Variants in CDX1 observed in about 807,000 individuals in gnomAD.
CDX1 encodes homeobox protein CDX-1.
Under a neutral mutation model 16.9 loss-of-function variants are expected in CDX1, and 9 were observed. The observed-to-expected ratio is 0.53, with a 90% confidence interval of 0.32 to 0.93. The LOEUF (loss-of-function observed/expected upper bound fraction) is 0.93. Ranked by LOEUF, CDX1 falls within the 40% of genes least tolerant of loss-of-function variation. The pLI is 0.04. For missense variants in CDX1, 393 were observed against 386.1 expected (o/e 1.02, Z -0.15); for synonymous variants, 179 against 179.0 (o/e 1.00, Z 0.00).
chr5:150,176,186 C>A (rs1296421065), intron 1 of CDX1, among the ~76,000 whole-genome samples: 1 of 152,232 alleles, frequency 6.6e-6, no homozygotes, highest in Non-Finnish European at 1.5e-5. Context: ...GGCCCACAGC[C>A]TGCCACCCTT....
At chr5:150,183,376 G>T in intron 2 of CDX1, 98 bp from the exon 3 acceptor site, 1 of 1,108,500 alleles carries the variant, frequency 9.0e-7, no homozygotes, top group East Asian at 2.7e-5. Context: ...AAAGCCACAT[G>T]GAGAAATAGG....
chr5:150,174,481 G>A (rs932898086), intron 1 of CDX1, among the ~76,000 whole-genome samples: 2 of 152,202 alleles, frequency 1.3e-5, no homozygotes, highest in Admixed American at 1.3e-4. Flanking sequence ...TGCAGTGTGG[G>A]CGTCCGGACC....
chr5:150,168,835 G>A (rs921713818), intron 1 of CDX1, among the ~76,000 whole-genome samples: 1 of 152,204 alleles, frequency 6.6e-6, no homozygotes, highest in African/African-American at 2.4e-5. Flanking sequence ...GCAGTGGTTT[G>A]TACCCTTGTT....
chr5:150,183,114 G>C (rs1335559321), intron 2 of CDX1, among the ~76,000 whole-genome samples: 1 of 152,220 alleles, frequency 6.6e-6, no homozygotes, highest in African/African-American at 2.4e-5. Flanking sequence ...AAAGGCAGGG[G>C]TAAGGGGATC....
rs531640824 is a variant in CDX1 at position 150,167,221 on chromosome 5, C to A, written c.345C>A (p.Pro115=). ...CCGGCCCGGGCCTCCTGGCGCAGCC[C>A]CTCGGGGGCCCGGGCACACCGTCCT... ...PGPGPGLLAQ[P]LGGPGTPSSP... The change falls in exon 1 of 3, where the codon CCC becomes CCA. Residue 115 remains proline, a synonymous_variant. Transcript: ENST00000231656. The A allele has an allele frequency of 5.5e-6, 7 of 1,261,476 alleles. No individual in the cohort carries two copies. In the South Asian group the frequency reaches 2.0e-4, roughly 35 times the overall value. The allele number at this position is 1,261,476 out of a possible 1,614,324, so 78.1% of individuals were successfully genotyped here. A position where few individuals can be genotyped will look rare whatever the true frequency, so the allele number is the denominator to read the frequency against.
intron 1 of CDX1, among the ~76,000 whole-genome samples, chr5:150,171,484 C>T (rs753793595): frequency 1.7e-4 from 26 of 152,204 alleles, no homozygotes; most frequent in Non-Finnish European, 3.1e-4. Context: ...TACAAGCGCA[C>T]GCTGTCATGC....
intron 1 of CDX1, among the ~76,000 whole-genome samples, chr5:150,175,036 C>G: frequency 6.6e-6 from 1 of 152,072 alleles, no homozygotes; most frequent in East Asian, 1.9e-4. Context: ...CTCAGCCTCC[C>G]AAAGTGCTGG....
At chr5:150,181,549 G>A (rs1392172379) in intron 1 of CDX1, among the ~76,000 whole-genome samples, 1 of 152,062 alleles carries the variant, frequency 6.6e-6, no homozygotes, top group Non-Finnish European at 1.5e-5. Flanking sequence ...AAAGTGCTGG[G>A]ATTACAGGTG....
At chr5:150,182,414 G>T (rs2113954995) in intron 1 of CDX1, among the ~76,000 whole-genome samples, 1 of 152,352 alleles carries the variant, frequency 6.6e-6, no homozygotes, top group South Asian at 2.1e-4. Flanking sequence ...TCTGGAAGCT[G>T]CTGGTTTAAA....
Position 150,167,217 on chromosome 5 carries a change from AG to A in CDX1, c.342del (p.Gln114HisfsTer85). On this transcript the variant is annotated frameshift_variant, in exon 1 of 3. Transcript: ENST00000231656. LOFTEE classifies it high-confidence loss of function. ...PPGPGPGLLAQPLGGPGTPSS... is the reference protein window; with the variant it reads ...PPGPGPGLLAXPLGGPGTPSS... ...GGGCCCGGCCCGGGCCTCCTGGCGC[AG>A]CCCCTCGGGGGCCCGGGCACACCGT... is the stretch of plus-strand genomic sequence containing the variant. 7.9e-7 allele frequency: 1 copy of A among 1,262,756 alleles called. No individual in the cohort carries two copies. Among genetic ancestry groups the A allele is most frequent in the Non-Finnish European group, 9.9e-7 (1 of 1,008,926 alleles). 78.2% of individuals were successfully genotyped at this position (1,262,756 alleles called of 1,614,324 possible).
intron 1 of CDX1, among the ~76,000 whole-genome samples, chr5:150,180,759 T>C (rs1391070391): frequency 1.3e-5 from 2 of 152,112 alleles, no homozygotes; most frequent in African/African-American, 4.8e-5. Context: ...AGGAAACTGG[T>C]GCTTAGCCAG....
At chr5:150,168,693 TG>T (rs1162582775) in intron 1 of CDX1, among the ~76,000 whole-genome samples, 2 of 152,238 alleles carry the variant, frequency 1.3e-5, no homozygotes, top group African/African-American at 4.8e-5. Context: ...CTAGTGGGGC[TG>T]GGATTTGAAC....
intron 1 of CDX1, among the ~76,000 whole-genome samples, chr5:150,172,017 A>G (rs1361131815): frequency 3.9e-5 from 6 of 151,902 alleles, no homozygotes; most frequent in African/African-American, 2.4e-5. Flanking sequence ...CACACCTCAC[A>G]CTCCCAGCCT....
chr5:150,180,218 C>T (rs149790982), intron 1 of CDX1, among the ~76,000 whole-genome samples: 327 of 152,366 alleles, frequency 2.1e-3, no homozygotes, highest in African/African-American at 7.4e-3. Flanking sequence ...TTTGAGCCGG[C>T]GTTGCATTTT....
rs1761436199 is a variant in CDX1, at chr5:150,167,146, G to A, written c.270G>A (p.Leu90=). 7.6e-7 allele frequency: 1 copy of A among 1,322,020 alleles called. No homozygotes were observed. The highest frequency in any genetic ancestry group is 9.6e-7 in the Non-Finnish European group (1 of 1,045,206). 81.9% of individuals were successfully genotyped at this position (1,322,020 alleles called of 1,614,324 possible). The part of the protein sequence containing the change: ...PAAPAASPAS[L]AFGPPPDFSP... Reference sequence around the variant, plus strand: ...CCCCTGCCGCCAGCCCAGCTTCGCTGGCATTCGGGCCCCCTCCAGACTTTA... The same window carrying A: ...CCCCTGCCGCCAGCCCAGCTTCGCTAGCATTCGGGCCCCCTCCAGACTTTA... Residue 90 remains leucine, a synonymous_variant, in exon 1 of 3, where the codon CTG becomes CTA. Transcript: ENST00000231656.
rs201857355 is a variant in CDX1, at chr5:150,182,851, C to T, written c.529C>T (p.Arg177Cys). 2.1e-5 allele frequency: 34 copies of T among 1,613,524 alleles called. No homozygotes were observed. Among genetic ancestry groups the T allele is most frequent in the South Asian group, 3.3e-5 (3 of 91,028 alleles). The change falls in exon 2 of 3, where the codon CGT (arginine) becomes TGT (cysteine). Residue 177 changes from arginine (R) to cysteine (C), a missense_variant. Transcript: ENST00000231656. ...LELEKEFHYS[R>C]YITIRRKSEL... ...GCTGGAGAAGGAGTTTCATTACAGC[C>T]GTTACATCACAATCCGGCGGAAATC...
rs2113956071 is a variant in CDX1 at position 150,183,790 on chromosome 5, A to G, written c.*110A>G. The G allele has an allele frequency of 1.2e-6, 1 of 863,148 alleles. No individual in the cohort carries two copies. Among genetic ancestry groups the G allele is most frequent in the Non-Finnish European group, 1.7e-6 (1 of 579,872 alleles). 53.5% of individuals were successfully genotyped at this position (863,148 alleles called of 1,614,324 possible). ...AGTCTCAGCCCTGACCTTCTGGGAC[A>G]TGGTGGACAGTCACCTATCCACCCT... is the stretch of plus-strand genomic sequence containing the variant. On this transcript the variant is annotated 3_prime_UTR_variant, in exon 3 of 3. Coordinates refer to ENST00000231656, the MANE Select transcript of CDX1 (RefSeq NM_001804.3).
intron 1 of CDX1, among the ~76,000 whole-genome samples, chr5:150,177,165 C>T (rs1003423436): frequency 2.6e-5 from 4 of 152,262 alleles, no homozygotes; most frequent in African/African-American, 9.6e-5. Context: ...GGCTCCTGTC[C>T]CCATCCTCCC....
At chr5:150,181,466 G>C (rs1394688536) in intron 1 of CDX1, among the ~76,000 whole-genome samples, 2 of 152,030 alleles carry the variant, frequency 1.3e-5, no homozygotes, top group African/African-American at 4.8e-5. Flanking sequence ...TAGTAGAGAT[G>C]AGGTTTCACC....
Sources: allele counts gnomAD v4.1 joint callset (sites outside exome capture counted in the v4.1 genomes callset), GRCh38; gene constraint gnomAD v4.1.1; transcripts MANE v1.5; gene names NCBI Gene and HGNC (gene_info 2026-07-23, HGNC 2026-07-21).